The following RBFOX1 variants were observed in gnomAD, a reference collection of about 807,000 sequenced individuals.
RBFOX1 encodes the protein RNA binding protein fox-1 homolog 1.
RBFOX1 carries 8 observed loss-of-function variants against 57.7 expected under a neutral mutation model. The ratio of observed to expected loss-of-function variants is 0.14; its 90% CI spans 0.08 to 0.25. The LOEUF (loss-of-function observed/expected upper bound fraction) is 0.25, where lower values mean the gene tolerates loss of function less well. RBFOX1 is among the 10% of genes least tolerant of loss of function. The pLI, the probability that RBFOX1 is intolerant of heterozygous loss-of-function variation, is 1.00. For synonymous variants in RBFOX1, 326 were observed against 222.4 expected (o/e 1.47, Z -4.15); for missense variants, 611 against 548.5 (o/e 1.11, Z -1.14).
intron 1 of RBFOX1, among the ~76,000 whole-genome samples, chr16:5,255,267 C>T (rs753673207): frequency 2.6e-5 from 4 of 151,818 alleles, no homozygotes. Context: ...TGGAGGACCC[C>T]GGATAAATGC....
At chr16:7,006,352 A>G (rs1370962296) in intron 3 of RBFOX1, among the ~76,000 whole-genome samples, 1 of 152,014 alleles carries the variant, frequency 6.6e-6, no homozygotes, top group African/African-American at 2.4e-5. Flanking sequence ...ACGGGGTTTT[A>G]TCATGTTGGC....
intron 2 of RBFOX1, among the ~76,000 whole-genome samples, chr16:6,516,006 T>A (rs1057452383): frequency 2.6e-5 from 4 of 152,116 alleles, no homozygotes; most frequent in Non-Finnish European, 4.4e-5. Flanking sequence ...TTATTTTTTA[T>A]TTTATTTTAT....
intron 2 of RBFOX1, among the ~76,000 whole-genome samples, chr16:5,548,225 G>C (rs1250820043): frequency 1.5e-5 from 2 of 136,098 alleles, no homozygotes; most frequent in Non-Finnish European, 3.2e-5. Flanking sequence ...GACTACTGGT[G>C]GGGGAGAAAG....
intron 3 of RBFOX1, among the ~76,000 whole-genome samples, chr16:5,823,297 A>G (rs1404298154): frequency 1.3e-5 from 2 of 152,194 alleles, no homozygotes; most frequent in African/African-American, 2.4e-5. Flanking sequence ...GAGGTTGAGT[A>G]TGTGAACAGA....
chr16:6,510,657 C>A (rs2096236735), intron 2 of RBFOX1, among the ~76,000 whole-genome samples: 1 of 152,128 alleles, frequency 6.6e-6, no homozygotes, highest in Admixed American at 6.5e-5. Context: ...TGTATCCCTC[C>A]CACAAACACA....
At chr16:6,853,101 C>T (rs1036280383) in intron 3 of RBFOX1, among the ~76,000 whole-genome samples, 2 of 152,140 alleles carry the variant, frequency 1.3e-5, no homozygotes, top group East Asian at 1.9e-4. Context: ...ATCCCTCCCT[C>T]CATATATACT....
intron 1 of RBFOX1, among the ~76,000 whole-genome samples, chr16:5,407,815 C>T (rs974696631): frequency 8.5e-5 from 13 of 152,178 alleles, no homozygotes; most frequent in Admixed American, 2.6e-4. Flanking sequence ...TCCCAAAGTG[C>T]TGGGATTACA....
At chr16:5,752,777 C>T (rs918891624) in intron 3 of RBFOX1, among the ~76,000 whole-genome samples, 2 of 152,258 alleles carry the variant, frequency 1.3e-5, no homozygotes, top group South Asian at 4.1e-4. Context: ...ACTTCATACT[C>T]ACTCCTCTAC....
chr16:5,974,409 G>A (rs924682862), intron 4 of RBFOX1, among the ~76,000 whole-genome samples: 39 of 152,070 alleles, frequency 2.6e-4, no homozygotes, highest in African/African-American at 8.2e-4. Context: ...AGGAGTTCGA[G>A]ACCAGCCTGG....
chr16:6,735,729 C>T (rs772866183), intron 3 of RBFOX1, among the ~76,000 whole-genome samples: 4 of 152,036 alleles, frequency 2.6e-5, no homozygotes, highest in Non-Finnish European at 5.9e-5. Flanking sequence ...ATGAAAAGCC[C>T]CAGTGCAGGA....
chr16:6,689,480 G>C (rs912016208), intron 3 of RBFOX1, among the ~76,000 whole-genome samples: 2 of 152,032 alleles, frequency 1.3e-5, no homozygotes, highest in Non-Finnish European at 2.9e-5. Context: ...CATCTTCTAA[G>C]GCTGAGTAAG....
intron 2 of RBFOX1, among the ~76,000 whole-genome samples, chr16:6,462,759 C>A (rs2094950979): frequency 7.0e-6 from 1 of 143,816 alleles, no homozygotes; most frequent in African/African-American, 2.5e-5. Flanking sequence ...CTATAAACTA[C>A]CTGAACAACA....
At chr16:5,596,407 G>A (rs1207676353) in intron 2 of RBFOX1, among the ~76,000 whole-genome samples, 1 of 152,168 alleles carries the variant, frequency 6.6e-6, no homozygotes, top group Non-Finnish European at 1.5e-5. Context: ...GCAAGGTCTT[G>A]GACTTAGGAA....
chr16:6,004,791 C>T (rs2060664432), intron 4 of RBFOX1, among the ~76,000 whole-genome samples: 1 of 152,128 alleles, frequency 6.6e-6, no homozygotes, highest in South Asian at 2.1e-4. Flanking sequence ...TTTTTATTGA[C>T]ATGCAGTGTA....
At chr16:5,775,305 T>G (rs1485706149) in intron 3 of RBFOX1, among the ~76,000 whole-genome samples, 1 of 152,130 alleles carries the variant, frequency 6.6e-6, no homozygotes, top group African/African-American at 2.4e-5. Flanking sequence ...ACCTTTCTTT[T>G]CCCTCTTCCC....
rs373174668 is a variant in RBFOX1, at chr16:6,658,447, T to A, written c.-16+3797T>A. 4.3e-4 allele frequency among the ~76,000 whole-genome samples: 65 copies of A among 152,180 alleles called. 1 individual carries two copies. In the East Asian group the frequency reaches 0.012, roughly 27 times the overall value. ...TGATCTTGAACTCCTGACCTCGTGA[T>A]CCGCCTGCTTCAGCCTCCCAAAGTG... is the stretch of plus-strand genomic sequence containing the variant. On this transcript the variant is annotated intron_variant, in intron 3 of 15. Coordinates refer to ENST00000550418, the MANE Select transcript of RBFOX1 (RefSeq NM_018723.4).
rs182389380 is a variant in RBFOX1, at chr16:6,397,893, G to A, written c.-64+80836G>A. Among the ~76,000 whole-genome samples the A allele has an allele frequency of 4.0e-3, 608 of 152,118 alleles. 8 individuals are homozygous for A. The highest frequency in any genetic ancestry group is 7.0e-3 in the Non-Finnish European group (474 of 67,974). ...CAAAAGTGTATAGTGAGAAAGATACGGAAGGAACTAAAATGAAATAATAGA... is the reference window on the plus strand; with the variant it reads ...CAAAAGTGTATAGTGAGAAAGATACAGAAGGAACTAAAATGAAATAATAGA... On this transcript the variant is annotated intron_variant, in intron 2 of 15. Transcript: ENST00000550418.
intron 1 of RBFOX1, among the ~76,000 whole-genome samples, chr16:6,209,023 T>C (rs2097274330): frequency 6.6e-6 from 1 of 152,162 alleles, no homozygotes; most frequent in Non-Finnish European, 1.5e-5. Context: ...CTTACAACCT[T>C]GAAGGATAAT....
intron 4 of RBFOX1, among the ~76,000 whole-genome samples, chr16:5,908,089 C>CATAT (rs1230094460): frequency 2.2e-5 from 3 of 138,134 alleles, no homozygotes; most frequent in African/African-American, 5.8e-5. Flanking sequence ...TATATATACA[C>CATAT]ATATATACAC....
Sources: gnomAD v4.1 joint callset for allele counts (sites outside exome capture counted in the v4.1 genomes callset) on GRCh38, gnomAD v4.1.1 for gene constraint, MANE v1.5 for transcripts, NCBI Gene and HGNC (gene_info 2026-07-23, HGNC 2026-07-21) for gene names.